CACHD1: variants seen among roughly 807,000 people sequenced by gnomAD.
CACHD1 encodes the protein VWFA and cache domain-containing protein 1.
Under a neutral mutation model 138.7 loss-of-function variants are expected in CACHD1, and 71 were observed. The ratio of observed to expected loss-of-function variants is 0.51; its 90% CI spans 0.42 to 0.62. The LOEUF is 0.62. Ranked by LOEUF, CACHD1 falls within the 20% of genes least tolerant of loss-of-function variation. The probability of loss-of-function intolerance (pLI) is 0.00; values close to 1 mark genes in which losing one functional copy is unlikely to be tolerated. For synonymous variants in CACHD1, 578 were observed against 591.5 expected (o/e 0.98, Z 0.33); for missense variants, 1,389 against 1,625.3 (o/e 0.85, Z 2.50).
chr1:64,646,182 A>G (rs1172591475), intron 8 of CACHD1, among the ~76,000 whole-genome samples: 1 of 152,036 alleles, frequency 6.6e-6, no homozygotes, highest in Non-Finnish European at 1.5e-5. Flanking sequence ...AAATTTAGTT[A>G]TTGCTCGAGT....
chr1:64,597,858 A>G (rs1647169630), intron 3 of CACHD1, among the ~76,000 whole-genome samples: 1 of 152,198 alleles, frequency 6.6e-6, no homozygotes, highest in Admixed American at 6.5e-5. Flanking sequence ...CTTCTTAATG[A>G]AAAATCTTTT....
chr1:64,471,590 T>C (rs1202840345), intron 1 of CACHD1, among the ~76,000 whole-genome samples: 3 of 152,220 alleles, frequency 2.0e-5, no homozygotes, highest in Admixed American at 2.0e-4. Flanking sequence ...TGGTAGATTC[T>C]GGGTAGACTC....
rs975054164 is a variant in CACHD1 at position 64,510,467 on chromosome 1, G to T, written c.198+39525G>T. Among the ~76,000 whole-genome samples, 3 of 152,182 alleles carry T rather than the reference G, an allele frequency of 2.0e-5. No individual in the cohort carries two copies. In the South Asian group the frequency reaches 6.2e-4, roughly 32 times the overall value. ...AAATGGGACAGTCAATAATTTTAAGGTTATGGAGAAAAAAAGAGGGTCCAG... is the reference window on the plus strand; with the variant it reads ...AAATGGGACAGTCAATAATTTTAAGTTTATGGAGAAAAAAAGAGGGTCCAG... On this transcript the variant is annotated intron_variant, in intron 1 of 26. Transcript: ENST00000651257.
At chr1:64,675,854 T>C (rs1426747362) in intron 20 of CACHD1, 43 bp from the exon 21 acceptor site, 2 of 1,254,200 alleles carry the variant, frequency 1.6e-6, no homozygotes, top group South Asian at 1.5e-5. Flanking sequence ...ACTTACAGTT[T>C]GCCATTGACC....
At chr1:64,472,044 T>G (rs188924649) in intron 1 of CACHD1, among the ~76,000 whole-genome samples, 29 of 152,224 alleles carry the variant, frequency 1.9e-4, no homozygotes, top group Non-Finnish European at 3.4e-4. Context: ...GGGATGAATG[T>G]GGTCTTCGAA....
At chr1:64,485,956 G>T (rs991494096) in intron 1 of CACHD1, among the ~76,000 whole-genome samples, 1 of 152,110 alleles carries the variant, frequency 6.6e-6, no homozygotes, top group Non-Finnish European at 1.5e-5. Context: ...TTCCAAAGGG[G>T]CTATATTAGT....
chr1:64,631,434 T>G (rs1277768854), intron 5 of CACHD1, among the ~76,000 whole-genome samples: 1 of 152,228 alleles, frequency 6.6e-6, no homozygotes, highest in Non-Finnish European at 1.5e-5. Flanking sequence ...TAGTAATTAC[T>G]GCAGGACTTT....
intron 1 of CACHD1, among the ~76,000 whole-genome samples, chr1:64,536,638 C>T (rs1188930112): frequency 6.6e-6 from 1 of 152,206 alleles, no homozygotes; most frequent in South Asian, 2.1e-4. Context: ...TCACTTATCA[C>T]GTACCTCCTG....
chr1:64,526,022 C>T (rs1164496389), intron 1 of CACHD1, among the ~76,000 whole-genome samples: 1 of 152,120 alleles, frequency 6.6e-6, no homozygotes, highest in Non-Finnish European at 1.5e-5. Flanking sequence ...AAATCTATGC[C>T]AGCATTGCTT....
chr1:64,591,039 T>A (rs1299520680), intron 3 of CACHD1, among the ~76,000 whole-genome samples: 1 of 152,222 alleles, frequency 6.6e-6, no homozygotes, highest in Non-Finnish European at 1.5e-5. Context: ...TTTGTTTGTT[T>A]TTAAACTGGA....
chr1:64,508,680 C>T (rs1646395640), intron 1 of CACHD1, among the ~76,000 whole-genome samples: 1 of 152,188 alleles, frequency 6.6e-6, no homozygotes. Flanking sequence ...CTAAGTTGTT[C>T]TCTCACTAAG....
chr1:64,531,612 C>G (rs1646586927), intron 1 of CACHD1, among the ~76,000 whole-genome samples: 1 of 151,994 alleles, frequency 6.6e-6, no homozygotes, highest in Admixed American at 6.6e-5. Flanking sequence ...GGAAAGTAAA[C>G]AAGGTCAACA....
At position 64,641,806 on chromosome 1, in the gene CACHD1, G is replaced by A. The variant is rs369489684; in HGVS notation, c.1007-14G>A. ...AATCCAAAGAGAGCATTCAATTGAT[G>A]TGTTTTTGTTTAGATACAGACATGG... On this transcript the variant is annotated splice_polypyrimidine_tract_variant and intron_variant, in intron 7 of 26. Coordinates refer to ENST00000651257, the MANE Select transcript of CACHD1 (RefSeq NM_020925.4). 5.2e-5 allele frequency: 76 copies of A among 1,449,354 alleles called. No individual in the cohort carries two copies. The highest frequency in any genetic ancestry group is 6.8e-5 in the Non-Finnish European group (74 of 1,096,236). The allele number at this position is 1,449,354 out of a possible 1,614,324, so 89.8% of individuals were successfully genotyped here.
intron 1 of CACHD1, among the ~76,000 whole-genome samples, chr1:64,521,625 A>G (rs1646498688): frequency 6.6e-6 from 1 of 152,062 alleles, no homozygotes; most frequent in African/African-American, 2.4e-5. Context: ...TGGACATTGG[A>G]TTGTTTCCAC....
At chr1:64,653,966 A>G in intron 11 of CACHD1, 85 bp downstream of exon 11, 1 of 1,146,000 alleles carries the variant, frequency 8.7e-7, no homozygotes, top group Non-Finnish European at 1.2e-6. Context: ...ACTACAGAGT[A>G]TAAAACAAGT....
At chr1:64,673,085 A>G (rs891927344) in intron 17 of CACHD1, 73 bp from the exon 18 acceptor site, 2 of 1,218,564 alleles carry the variant, frequency 1.6e-6, no homozygotes, top group African/African-American at 1.5e-5. Flanking sequence ...AGCAAGATAA[A>G]TGCTCTCTGA....
chr1:64,627,878 A>G (rs767558563), intron 4 of CACHD1, among the ~76,000 whole-genome samples: 12 of 152,152 alleles, frequency 7.9e-5, no homozygotes, highest in Admixed American at 1.3e-4. Context: ...CAAGTTCTTC[A>G]TTGCATGGAC....
At chr1:64,555,425 G>C (rs964908025) in intron 2 of CACHD1, among the ~76,000 whole-genome samples, 1 of 151,984 alleles carries the variant, frequency 6.6e-6, no homozygotes, top group South Asian at 2.1e-4. Context: ...CTTTTTGTTT[G>C]TTTGTTTGTT....
Position 64,671,648 on chromosome 1 carries a change from A to G in CACHD1, c.2472A>G (p.Leu824=), listed in dbSNP as rs762327265. The change falls in exon 17 of 27, where the codon CTA becomes CTG. Residue 824 remains leucine (L), a synonymous_variant. Transcript: ENST00000651257. ...LRYFYKVLMD[L]LPVCNQDGGN... ...ACTTCTACAAAGTTCTGATGGACCTATTACCTGTCTGTAACCAAGATGGTG... is the reference window on the plus strand; with the variant it reads ...ACTTCTACAAAGTTCTGATGGACCTGTTACCTGTCTGTAACCAAGATGGTG... 10 of 1,613,934 alleles carry G rather than the reference A, an allele frequency of 6.2e-6. No homozygotes were observed. The highest frequency in any genetic ancestry group is 1.1e-5 in the South Asian group (1 of 91,082).
Sources: allele counts gnomAD v4.1 joint callset (sites outside exome capture counted in the v4.1 genomes callset), GRCh38; gene constraint gnomAD v4.1.1; transcripts MANE v1.5; gene names NCBI Gene and HGNC (gene_info 2026-07-23, HGNC 2026-07-21).